The following NUCKS1 variants were observed in gnomAD, a reference collection of about 807,000 sequenced individuals.
The protein encoded by NUCKS1 is nuclear ubiquitous casein and cyclin-dependent kinase substrate 1.
In NUCKS1, 2 loss-of-function variants were observed where a neutral mutation model predicts 33.0. The ratio of observed to expected loss-of-function variants is 0.06; its 90% CI spans 0.02 to 0.19. The LOEUF is 0.19. NUCKS1 is among the 10% of genes least tolerant of loss of function. NUCKS1 has a pLI of 1.00. For missense variants in NUCKS1, 201 were observed against 293.6 expected (o/e 0.68, Z 2.31); for synonymous variants, 106 against 102.8 (o/e 1.03, Z -0.19).
chr1:205,727,238 T>G (rs144897949), intron 3 of NUCKS1, among the ~76,000 whole-genome samples: 1 of 152,280 alleles, frequency 6.6e-6, no homozygotes, highest in African/African-American at 2.4e-5. Context: ...GTCCTGGGAT[T>G]ACAAGCATGA....
chr1:205,740,457 T>TA (rs1454736418), intron 1 of NUCKS1, among the ~76,000 whole-genome samples: 7 of 151,644 alleles, frequency 4.6e-5, no homozygotes, highest in Middle Eastern at 3.4e-3. Context: ...CTGTCTCTTC[T>TA]AAAAAAAATT....
Position 205,715,436 on chromosome 1 carries a change from A to T in NUCKS1, c.*2844T>A, listed in dbSNP as rs548956077. On this transcript the variant is annotated 3_prime_UTR_variant, in exon 7 of 7. Transcript: ENST00000367142. Reference sequence around the variant, plus strand: ...TATGAAATGAGGAGATGTTTTAGAAAGCAGGACAAATCTACCTACCATTAC... The same window carrying T: ...TATGAAATGAGGAGATGTTTTAGAATGCAGGACAAATCTACCTACCATTAC... The T allele has an allele frequency of 1.3e-5, 2 of 152,368 alleles. No homozygotes were observed. The highest frequency in any genetic ancestry group is 2.9e-5 in the Non-Finnish European group (2 of 68,038). The allele number at this position is 152,368 out of a possible 1,614,324, so 9.4% of individuals were successfully genotyped here.
rs1340147386 is a variant in NUCKS1, at chr1:205,718,201, GTTC to G, written c.*76_*78del. 4 of 1,504,584 alleles carry G rather than the reference GTTC, an allele frequency of 2.7e-6. No homozygotes were observed. The highest frequency in any genetic ancestry group is 2.4e-5 in the Admixed American group (1 of 41,498). The allele number at this position is 1,504,584 out of a possible 1,614,324, so 93.2% of individuals were successfully genotyped here. A position where few individuals can be genotyped will look rare whatever the true frequency, so the allele number is the denominator to read the frequency against. On this transcript the variant is annotated 3_prime_UTR_variant, in exon 7 of 7. Coordinates refer to ENST00000367142, the MANE Select transcript of NUCKS1 (RefSeq NM_022731.5). ...CAAAACCATGTTCTATCTTAAGTAG[GTTC>G]TTTTTTTTCCTCCCTCTTTTTTCTT...
At chr1:205,733,022 G>A (rs920091220) in intron 1 of NUCKS1, among the ~76,000 whole-genome samples, 1 of 151,890 alleles carries the variant, frequency 6.6e-6, no homozygotes, top group East Asian at 1.9e-4. Flanking sequence ...AAAAAAAATG[G>A]GTCATAGAAC....
intron 2 of NUCKS1, among the ~76,000 whole-genome samples, chr1:205,728,963 T>G (rs1288332832): frequency 6.6e-6 from 1 of 151,926 alleles, no homozygotes; most frequent in Non-Finnish European, 1.5e-5. Context: ...CCACTGCGCC[T>G]GGCTGTAGTG....
At chr1:205,725,810 T>C (rs1441438710) in intron 3 of NUCKS1, among the ~76,000 whole-genome samples, 1 of 152,230 alleles carries the variant, frequency 6.6e-6, no homozygotes, top group Non-Finnish European at 1.5e-5. Flanking sequence ...ATGTTAATTA[T>C]GTCAATGAGA....
chr1:205,729,061 C>T (rs766677026), intron 2 of NUCKS1, among the ~76,000 whole-genome samples: 3 of 152,054 alleles, frequency 2.0e-5, no homozygotes, highest in Non-Finnish European at 2.9e-5. Flanking sequence ...CTCCGCCTCC[C>T]GAGTTCAAGC....
rs1183074363 is a variant in NUCKS1 at position 205,715,516 on chromosome 1, G to A, written c.*2764C>T. The A allele has an allele frequency of 6.6e-6, 1 of 152,182 alleles. No homozygotes were observed. Among genetic ancestry groups the A allele is most frequent in the Admixed American group, 6.6e-5 (1 of 15,266 alleles). The allele number at this position is 152,182 out of a possible 1,614,324, so 9.4% of individuals were successfully genotyped here. ...TCCATTGATTCCGATCTGAGGTGAG[G>A]AGGACTAAAAGCAGCAGCAGGTTAC... On this transcript the variant is annotated 3_prime_UTR_variant, in exon 7 of 7. Transcript: ENST00000367142.
At chr1:205,722,050 A>T (rs1671926976) in intron 4 of NUCKS1, among the ~76,000 whole-genome samples, 2 of 151,400 alleles carry the variant, frequency 1.3e-5, no homozygotes, top group South Asian at 4.2e-4. Flanking sequence ...TTACTTTCAC[A>T]TATTCTTAGA....
chr1:205,723,317 G>C (rs185351317), intron 4 of NUCKS1, among the ~76,000 whole-genome samples: 1 of 152,188 alleles, frequency 6.6e-6, no homozygotes, highest in East Asian at 1.9e-4. Flanking sequence ...TCAATTCTTA[G>C]AAGATTAAAT....
chr1:205,719,935 T>C (rs1181527717), intron 5 of NUCKS1, among the ~76,000 whole-genome samples: 1 of 152,234 alleles, frequency 6.6e-6, no homozygotes, highest in East Asian at 1.9e-4. Context: ...GGGTAAGAGT[T>C]AATCTGAATA....
At position 205,723,917 on chromosome 1, in the gene NUCKS1, G is replaced by A; in HGVS notation, c.229+9C>T. The A allele has an allele frequency of 6.3e-7, 1 of 1,576,930 alleles. No homozygotes were observed. Among genetic ancestry groups the A allele is most frequent in the Non-Finnish European group, 8.7e-7 (1 of 1,147,288 alleles). On this transcript the variant is annotated intron_variant, in intron 4 of 6. Coordinates refer to ENST00000367142, the MANE Select transcript of NUCKS1 (RefSeq NM_022731.5). The stretch of plus-strand genomic sequence containing the variant: ...AATTATACCTCTTACATTTAAAATA[G>A]TTTACTACCTGCTGAGTGAGAATCA...
At position 205,713,465 on chromosome 1, in the gene NUCKS1, T is replaced by C. The variant is rs1236230512; in HGVS notation, c.*4815A>G. ...CCTTCAATAAAAGCAAAGCAGGAGT[T>C]TGTTTTTTCTTTGTCTATGCAGATA... On this transcript the variant is annotated 3_prime_UTR_variant, in exon 7 of 7. Transcript: ENST00000367142. 1.3e-5 allele frequency: 2 copies of C among 152,182 alleles called. No individual in the cohort carries two copies. Among genetic ancestry groups the C allele is most frequent in the Admixed American group, 1.3e-4 (2 of 15,286 alleles). The allele number at this position is 152,182 out of a possible 1,614,324, so 9.4% of individuals were successfully genotyped here. A position where few individuals can be genotyped will look rare whatever the true frequency, so the allele number is the denominator to read the frequency against.
At chr1:205,728,079 A>C (rs1293774776) in intron 2 of NUCKS1, among the ~76,000 whole-genome samples, 1 of 151,910 alleles carries the variant, frequency 6.6e-6, no homozygotes, top group Non-Finnish European at 1.5e-5. Flanking sequence ...TCCCCTTTTG[A>C]TTTCAACATC....
At chr1:205,747,536 A>G (rs994911738) in intron 1 of NUCKS1, among the ~76,000 whole-genome samples, 2 of 152,198 alleles carry the variant, frequency 1.3e-5, no homozygotes, top group Non-Finnish European at 1.5e-5. Flanking sequence ...CCATAGGTAC[A>G]TTTCCAAATG....
chr1:205,719,235 T>C (rs1008449235), intron 6 of NUCKS1, among the ~76,000 whole-genome samples: 2 of 152,266 alleles, frequency 1.3e-5, no homozygotes, highest in Non-Finnish European at 2.9e-5. Context: ...ACAACTATGA[T>C]GACACAGTGT....
chr1:205,733,756 A>G (rs990509229), intron 1 of NUCKS1, among the ~76,000 whole-genome samples: 1 of 152,154 alleles, frequency 6.6e-6, no homozygotes, highest in African/African-American at 2.4e-5. Flanking sequence ...GGCATTTGTC[A>G]TTAAAAATTA....
At position 205,732,699 on chromosome 1, in the gene NUCKS1, T is replaced by C. The variant is rs1269993262; in HGVS notation, c.18-3078A>G. Among the ~76,000 whole-genome samples, 3 of 141,098 alleles carry C rather than the reference T, an allele frequency of 2.1e-5. No homozygotes were observed. The Admixed American group carries it at 2.4e-4, about 11-fold the overall frequency. 92.6% of individuals were successfully genotyped at this position (141,098 alleles called of 152,430 possible). A position where few individuals can be genotyped will look rare whatever the true frequency, so the allele number is the denominator to read the frequency against. ...GGGAGACTGATGCAGGAGAATTGCT[T>C]GAACCTGGGAGACAGAGGTTGCAGT... On this transcript the variant is annotated intron_variant, in intron 1 of 6. Transcript: ENST00000367142.
intron 1 of NUCKS1, among the ~76,000 whole-genome samples, chr1:205,742,617 G>A (rs764764919): frequency 2.0e-5 from 3 of 152,174 alleles, no homozygotes; most frequent in Non-Finnish European, 4.4e-5. Context: ...AAGGTCAGGG[G>A]ATCGAGACCA....
Sources: gnomAD v4.1 joint callset for allele counts (sites outside exome capture counted in the v4.1 genomes callset) on GRCh38, gnomAD v4.1.1 for gene constraint, MANE v1.5 for transcripts, NCBI Gene and HGNC (gene_info 2026-07-23, HGNC 2026-07-21) for gene names.